The following SSR2 variants were observed in gnomAD, a reference collection of about 807,000 sequenced individuals.
The protein encoded by SSR2 is signal sequence receptor subunit 2.
Under a neutral mutation model 22.6 loss-of-function variants are expected in SSR2, and 16 were observed. That is an observed-to-expected ratio of 0.71 (90% CI 0.48 to 1.08). The LOEUF is 1.08. SSR2 is among the 50% of genes least tolerant of loss of function. The probability of loss-of-function intolerance (pLI) is 0.00; values close to 1 mark genes in which losing one functional copy is unlikely to be tolerated. For synonymous variants in SSR2, 83 were observed against 91.2 expected, an observed-to-expected ratio of 0.91 and a Z score of 0.51; for missense variants, 171 against 221.6, an observed-to-expected ratio of 0.77 and a Z score of 1.45.
intron 3 of SSR2, among the ~76,000 whole-genome samples, chr1:156,017,739 GTTTTTTTTTTTTTT>G (rs757236241): frequency 2.1e-4 from 13 of 61,908 alleles, no homozygotes; most frequent in East Asian, 6.0e-4. Context: ...TATGTTTCAG[GTTTTTTTTTTTTTT>G]TTTTTTTTTT....
intron 4 of SSR2, chr1:156,014,516 G>A (rs771245915): frequency 1.1e-4 from 17 of 153,566 alleles, no homozygotes; most frequent in Non-Finnish European, 2.2e-4. Context: ...CTAAACTATC[G>A]AACACTAGGT....
chr1:156,009,611 T>C lies in SSR2; in HGVS notation c.481A>G (p.Ile161Val). Residue 161 changes from isoleucine to valine, a missense_variant, in exon 6 of 6, where the codon ATC becomes GTC. By Grantham distance (29) the Ile-to-Val change is conservative (BLOSUM62 3). Transcript: ENST00000295702. ...AAFGVMTLPS[I>V]GIPLLLWYSS... ...TACCACAATAGCAGGGGGATGCCGA[T>C]GGAGGGAAGGGTCATGACCCCAAAG... The C allele has an allele frequency of 2.5e-6, 4 of 1,612,990 alleles. No homozygotes were observed.
At chr1:156,020,290 G>A (rs1683128619) in intron 1 of SSR2, 123 bp from the exon 2 acceptor site, 2 of 1,039,472 alleles carry the variant, frequency 1.9e-6, no homozygotes, top group Admixed American at 2.3e-5. Context: ...CTTCCACAGA[G>A]TAGTCCATAA....
intron 4 of SSR2, chr1:156,013,673 G>C (rs1319827262): frequency 6.5e-6 from 1 of 153,532 alleles, no homozygotes; most frequent in Non-Finnish European, 1.5e-5. Context: ...GGTCTGTATG[G>C]GCAGAGTGGG....
chr1:156,012,332 A>C (rs1262422029), intron 4 of SSR2: 1 of 328,718 alleles, frequency 3.0e-6, no homozygotes, highest in African/African-American at 2.1e-5. Context: ...CACAGGGTTA[A>C]TGTGAGGCTC....
intron 4 of SSR2, chr1:156,012,107 A>G: frequency 6.7e-6 from 3 of 450,174 alleles, no homozygotes; most frequent in Non-Finnish European, 1.2e-5. Context: ...CCTAGGAGCC[A>G]GAAGACCTGA....
At chr1:156,014,117 C>T (rs1231572523) in intron 4 of SSR2, 1 of 152,146 alleles carries the variant, frequency 6.6e-6, no homozygotes, top group Non-Finnish European at 1.5e-5. Context: ...ATATCCATCA[C>T]CTTAAACATT....
Position 156,009,150 on chromosome 1 carries a change from T to A in SSR2, c.*390A>T, listed in dbSNP as rs1221051731. 1 of 180,046 alleles carries A rather than the reference T, an allele frequency of 5.6e-6. No individual in the cohort carries two copies. Among genetic ancestry groups the A allele is most frequent in the Non-Finnish European group, 1.1e-5 (1 of 87,132 alleles). The allele number at this position is 180,046 out of a possible 1,614,324, so 11.2% of individuals were successfully genotyped here. A position where few individuals can be genotyped will look rare whatever the true frequency, so the allele number is the denominator to read the frequency against. ...CAAGAGTCCCATAGCTTTCATTTCA[T>A]CTTCCACCCTCTTCTGAGAGGGGGA... On this transcript the variant is annotated 3_prime_UTR_variant, in exon 6 of 6. Coordinates refer to ENST00000295702, the MANE Select transcript of SSR2 (RefSeq NM_003145.4).
rs1682948591 is a variant in SSR2, at chr1:156,009,330, G to C, written c.*210C>G. The C allele has an allele frequency of 2.0e-6, 1 of 512,720 alleles. No homozygotes were observed. The highest frequency in any genetic ancestry group is 2.0e-5 in the African/African-American group (1 of 49,838). 31.8% of individuals were successfully genotyped at this position (512,720 alleles called of 1,614,324 possible). A position where few individuals can be genotyped will look rare whatever the true frequency, so the allele number is the denominator to read the frequency against. ...TATTGCCAAAGGCATTCCTGTTTATGGCTTCACGATGGAACCAAGGAGGCT... is the reference window on the plus strand; with the variant it reads ...TATTGCCAAAGGCATTCCTGTTTATCGCTTCACGATGGAACCAAGGAGGCT... On this transcript the variant is annotated 3_prime_UTR_variant, in exon 6 of 6. Transcript: ENST00000295702.
Position 156,015,032 on chromosome 1 carries a change from GAGGGCGC to G in SSR2, c.285_291del (p.Arg96SerfsTer24). The G allele has an allele frequency of 6.2e-7, 1 of 1,614,004 alleles. No individual in the cohort carries two copies. Among genetic ancestry groups the G allele is most frequent in the Non-Finnish European group, 8.5e-7 (1 of 1,179,956 alleles). On this transcript the variant is annotated frameshift_variant, in exon 4 of 6. Transcript: ENST00000295702. LOFTEE classifies it high-confidence loss of function. The stretch of plus-strand genomic sequence containing the variant: ...GTGAAGTTGAAATAACCAGCCTTGA[GAGGGCGC>G]AGGACCACAGTGTGGGAGACATTGC...
In SSR2 at chr1:156,020,000, G is replaced by A; in HGVS notation, c.155+13C>T. 6.2e-7 allele frequency: 1 copy of A among 1,609,770 alleles called. No homozygotes were observed. Among genetic ancestry groups the A allele is most frequent in the Non-Finnish European group, 8.5e-7 (1 of 1,177,158 alleles). On this transcript the variant is annotated intron_variant, in intron 2 of 5. Coordinates refer to ENST00000295702, the MANE Select transcript of SSR2 (RefSeq NM_003145.4). ...AAATAGGCTTAATCTGTAACTCTAG[G>A]GCCTCGAGTTACCTTGAGCCAACAT...
chr1:156,015,256 A>C (rs1279985691), intron 3 of SSR2, among the ~76,000 whole-genome samples, 187 bp from the exon 4 acceptor site: 2 of 152,004 alleles, frequency 1.3e-5, no homozygotes, highest in Admixed American at 6.6e-5. Context: ...CTGTAATCCT[A>C]GCACTTTGGG....
At chr1:156,017,539 G>A (rs887836918) in intron 3 of SSR2, among the ~76,000 whole-genome samples, 10 of 151,730 alleles carry the variant, frequency 6.6e-5, no homozygotes, top group African/African-American at 1.9e-4. Context: ...TAGTAGAGAC[G>A]GGGTTTCACT....
intron 3 of SSR2, among the ~76,000 whole-genome samples, chr1:156,016,656 TATAC>T (rs1683062345): frequency 6.6e-6 from 1 of 152,100 alleles, no homozygotes; most frequent in African/African-American, 2.4e-5. Context: ...AACCTAAACG[TATAC>T]ATAATTATTA....
intron 3 of SSR2, 46 bp downstream of exon 3, chr1:156,018,224 C>T (rs1171713346): frequency 6.8e-7 from 1 of 1,464,450 alleles, no homozygotes; most frequent in Non-Finnish European, 9.6e-7. Flanking sequence ...GCAGGCAAGG[C>T]TCTCCCTGCC....
At chr1:156,012,592 G>A (rs1008242633) in intron 4 of SSR2, 18 of 456,026 alleles carry the variant, frequency 3.9e-5, no homozygotes, top group Non-Finnish European at 6.2e-5. Flanking sequence ...TACCGGATGT[G>A]AAAACACCGC....
Position 156,009,368 on chromosome 1 carries a change from T to C in SSR2, c.*172A>G. 1.6e-6 allele frequency: 1 copy of C among 636,876 alleles called. No homozygotes were observed. The highest frequency in any genetic ancestry group is 2.0e-5 in the South Asian group (1 of 50,824). The allele number at this position is 636,876 out of a possible 1,614,324, so 39.5% of individuals were successfully genotyped here. A position where few individuals can be genotyped will look rare whatever the true frequency, so the allele number is the denominator to read the frequency against. On this transcript the variant is annotated 3_prime_UTR_variant, in exon 6 of 6. Transcript: ENST00000295702. ...AACCAAGGAGGCTCTCGCAGACTCC[T>C]AGGGCTGGTCCTTCACTATGGCTGA... is the stretch of plus-strand genomic sequence containing the variant.
At position 156,020,892 on chromosome 1, in the gene SSR2, G is replaced by A. The variant is rs1210420138; in HGVS notation, c.-5C>T. 6.4e-6 allele frequency: 3 copies of A among 471,146 alleles called. 1 individual carries two copies. The highest frequency in any genetic ancestry group is 6.5e-4 in the Middle Eastern group (2 of 3,078). 29.2% of individuals were successfully genotyped at this position (471,146 alleles called of 1,614,324 possible). On this transcript the variant is annotated 5_prime_UTR_variant, in exon 1 of 6. Coordinates refer to ENST00000295702, the MANE Select transcript of SSR2 (RefSeq NM_003145.4). ...GCCCTAAGCCTCCGGACTTACCGTT[G>A]GCATCCCAAACGCCTTTCCGGAGCC...
intron 2 of SSR2, among the ~76,000 whole-genome samples, chr1:156,019,784 T>G (rs1418434302): frequency 6.6e-6 from 1 of 152,224 alleles, no homozygotes; most frequent in African/African-American, 2.4e-5. Flanking sequence ...GCCACTTCCC[T>G]ACTCTAAAAT....
Sources: allele counts gnomAD v4.1 joint callset (sites outside exome capture counted in the v4.1 genomes callset), GRCh38; gene constraint gnomAD v4.1.1; transcripts MANE v1.5; gene names NCBI Gene and HGNC (gene_info 2026-07-23, HGNC 2026-07-21).